Variants in ARHGAP18 observed in about 807,000 individuals in gnomAD.
ARHGAP18 encodes Rho GTPase activating protein 18.
A neutral mutation model predicts 86.2 loss-of-function variants in ARHGAP18; 67 were observed. The ratio of observed to expected loss-of-function variants is 0.78; its 90% CI spans 0.64 to 0.95. The LOEUF (loss-of-function observed/expected upper bound fraction) is 0.95. Among genes scored for constraint, ARHGAP18 ranks in the 40% least tolerant of loss-of-function variants. ARHGAP18 has a pLI of 0.00. For synonymous variants in ARHGAP18, 283 were observed against 280.4 expected, an observed-to-expected ratio of 1.01 and a Z score of -0.09; for missense variants, 691 against 780.4, an observed-to-expected ratio of 0.89 and a Z score of 1.37.
Position 129,667,983 on chromosome 6 carries a change from G to C in ARHGAP18, c.114-25965C>G, listed in dbSNP as rs932689569. 1.2e-4 allele frequency among the ~76,000 whole-genome samples: 18 copies of C among 152,308 alleles called. 1 individual carries two copies. Among genetic ancestry groups the C allele is most frequent in the South Asian group, 2.1e-4 (1 of 4,824 alleles). ...TCTATCAAAAGGAAGTAAAATGGAA[G>C]TGAGGAAAGAGGCTGACAATAGTTT... On this transcript the variant is annotated intron_variant, in intron 1 of 14. Coordinates refer to ENST00000368149, the MANE Select transcript of ARHGAP18 (RefSeq NM_033515.3).
intron 4 of ARHGAP18, among the ~76,000 whole-genome samples, chr6:129,631,467 G>A (rs1199030540): frequency 6.6e-6 from 1 of 152,054 alleles, no homozygotes; most frequent in African/African-American, 2.4e-5. Context: ...GAAAAAAACA[G>A]TTTCAGGGTT....
intron 10 of ARHGAP18, among the ~76,000 whole-genome samples, chr6:129,603,982 T>C (rs1788801233): frequency 6.6e-6 from 1 of 152,220 alleles, no homozygotes; most frequent in Admixed American, 6.5e-5. Context: ...AATTTTGCGT[T>C]AGACTTCCTG....
rs1774882674 is a variant in ARHGAP18, at chr6:129,710,079, T to C, written c.58A>G (p.Lys20Glu). The C allele has an allele frequency of 1.2e-6, 2 of 1,614,152 alleles. No individual in the cohort carries two copies. Among genetic ancestry groups the C allele is most frequent in the Non-Finnish European group, 1.7e-6 (2 of 1,179,978 alleles). Residue 20 changes from lysine to glutamate, a missense_variant, in exon 1 of 15, where the codon AAG becomes GAG. Lys to Glu is a moderately conservative substitution (Grantham distance 56, BLOSUM62 1). Transcript: ENST00000368149. ...TGGCTGTTCCCGACGGTCTGGTCCT[T>C]GCCGCTGGGGTGGTAGGCTGTTAGT... is the stretch of plus-strand genomic sequence containing the variant. ...VVLTAYHPSG[K>E]DQTVGNSHAK... is the part of the protein sequence containing the mutation.
At chr6:129,673,906 A>C (rs1774184179) in intron 1 of ARHGAP18, among the ~76,000 whole-genome samples, 1 of 152,178 alleles carries the variant, frequency 6.6e-6, no homozygotes. Flanking sequence ...GAAAGTTTCA[A>C]AAGTACTGGC....
chr6:129,674,844 G>T (rs1362388024), intron 1 of ARHGAP18, among the ~76,000 whole-genome samples: 1 of 152,162 alleles, frequency 6.6e-6, no homozygotes, highest in African/African-American at 2.4e-5. Context: ...ATAAATCCCT[G>T]ATGTTTGTGA....
At chr6:129,645,813 C>T (rs964045835) in intron 1 of ARHGAP18, among the ~76,000 whole-genome samples, 7 of 152,168 alleles carry the variant, frequency 4.6e-5, no homozygotes. Context: ...CTTTACAGAT[C>T]CTGATGGGCC....
At chr6:129,645,296 G>A (rs1773555857) in intron 1 of ARHGAP18, among the ~76,000 whole-genome samples, 1 of 152,128 alleles carries the variant, frequency 6.6e-6, no homozygotes, top group Admixed American at 6.6e-5. Flanking sequence ...TCTGCTAAGA[G>A]GCCAGTTAAC....
intron 12 of ARHGAP18, among the ~76,000 whole-genome samples, chr6:129,596,018 T>C (rs983700828): frequency 1.3e-5 from 2 of 152,136 alleles, no homozygotes; most frequent in African/African-American, 4.8e-5. Context: ...CATTATCTCT[T>C]ACCTGGATTA....
intron 1 of ARHGAP18, among the ~76,000 whole-genome samples, chr6:129,678,400 T>C (rs77150143): frequency 0.044 from 6,641 of 152,260 alleles, 186 homozygotes; most frequent in South Asian, 0.11. Flanking sequence ...CTCAAACATA[T>C]ACAACACACT....
In ARHGAP18 at chr6:129,616,287, G is replaced by A. The variant is rs569516329; in HGVS notation, c.969C>T (p.Cys323=). ...GTTCTAATAGCGCTGTCAATGGAAC[G>A]CAAAAAAGACCAGAATCTGCAAGAA... The part of the protein sequence containing the change: ...KIKTKDSGLF[C]VPLTALLEQD... The change falls in exon 7 of 15, where the codon TGC becomes TGT. Residue 323 remains cysteine (C), a synonymous_variant. Transcript: ENST00000368149. 81 of 1,607,064 alleles carry A rather than the reference G, an allele frequency of 5.0e-5. No individual in the cohort carries two copies. The South Asian group carries it at 7.2e-4, about 14-fold the overall frequency.
chr6:129,686,444 G>C (rs1774424935), intron 1 of ARHGAP18, among the ~76,000 whole-genome samples: 2 of 152,178 alleles, frequency 1.3e-5, no homozygotes, highest in South Asian at 4.1e-4. Flanking sequence ...AATCAGAGGA[G>C]CCTCCAGCCT....
chr6:129,683,055 C>CTTTTTTTTT (rs199633610), intron 1 of ARHGAP18, among the ~76,000 whole-genome samples: 5 of 139,084 alleles, frequency 3.6e-5, no homozygotes, highest in African/African-American at 8.0e-5. Flanking sequence ...TTTGTTTTTT[C>CTTTTTTTTT]TTTTTTTTTT....
intron 1 of ARHGAP18, among the ~76,000 whole-genome samples, chr6:129,649,518 C>A (rs909885940): frequency 1.4e-5 from 2 of 140,086 alleles, no homozygotes; most frequent in African/African-American, 2.7e-5. Flanking sequence ...CATGCCACTG[C>A]ACTCCAGCCT....
At chr6:129,642,561 A>G (rs1446466194) in intron 1 of ARHGAP18, among the ~76,000 whole-genome samples, 1 of 151,814 alleles carries the variant, frequency 6.6e-6, no homozygotes, top group Non-Finnish European at 1.5e-5. Flanking sequence ...CTCCCAAAGC[A>G]CTGAGATTAA....
At chr6:129,588,012 G>A (rs536439574) in intron 12 of ARHGAP18, among the ~76,000 whole-genome samples, 13 of 152,288 alleles carry the variant, frequency 8.5e-5, no homozygotes, top group Admixed American at 6.5e-5. Context: ...GATACAATGG[G>A]GGTACAGGCA....
intron 5 of ARHGAP18, among the ~76,000 whole-genome samples, chr6:129,621,787 AAC>A (rs1220926995): frequency 6.6e-6 from 1 of 152,148 alleles, no homozygotes; most frequent in Non-Finnish European, 1.5e-5. Context: ...CTTATCGAAA[AAC>A]AGTTCATTTA....
At chr6:129,677,547 T>C (rs1421082745) in intron 1 of ARHGAP18, among the ~76,000 whole-genome samples, 2 of 152,230 alleles carry the variant, frequency 1.3e-5, no homozygotes, top group African/African-American at 4.8e-5. Context: ...TTTAAAGTTC[T>C]GACTCTAGAA....
In ARHGAP18 at chr6:129,683,065, TTTTG is replaced by T. The variant is rs1367501299; in HGVS notation, c.113+26955_113+26958del. 9.0e-3 allele frequency among the ~76,000 whole-genome samples: 1,357 copies of T among 150,972 alleles called. 14 individuals are homozygous for T. Among genetic ancestry groups the T allele is most frequent in the African/African-American group, 0.031 (1,262 of 40,798 alleles). On this transcript the variant is annotated intron_variant, in intron 1 of 14. Coordinates refer to ENST00000368149, the MANE Select transcript of ARHGAP18 (RefSeq NM_033515.3). Reference sequence around the variant, plus strand: ...TGTGTTTTGTTTTTTCTTTTTTTTTTTTTGTTTTTTTTTTTGTTTTTTTTGAGAC... The same window carrying T: ...TGTGTTTTGTTTTTTCTTTTTTTTTTTTTTTTTTTTTGTTTTTTTTGAGAC...
intron 11 of ARHGAP18, among the ~76,000 whole-genome samples, chr6:129,600,365 A>G (rs1259892352): frequency 6.6e-6 from 1 of 152,154 alleles, no homozygotes; most frequent in Non-Finnish European, 1.5e-5. Context: ...GAACTGAATA[A>G]TCTGAAACCA....
Sources: allele counts gnomAD v4.1 joint callset (sites outside exome capture counted in the v4.1 genomes callset), GRCh38; gene constraint gnomAD v4.1.1; transcripts MANE v1.5; gene names NCBI Gene and HGNC (gene_info 2026-07-23, HGNC 2026-07-21).